SLC45A4: variants seen among roughly 807,000 people sequenced by gnomAD.
SLC45A4 encodes polyamine-transporter SLC45A4.
SLC45A4 carries 32 observed loss-of-function variants against 63.7 expected under a neutral mutation model. The observed-to-expected ratio is 0.50, with a 90% confidence interval of 0.38 to 0.67. SLC45A4 has a LOEUF of 0.67. SLC45A4 is among the 30% of genes least tolerant of loss of function. The probability of loss-of-function intolerance (pLI) is 0.00; values close to 1 mark genes in which losing one functional copy is unlikely to be tolerated. For missense variants in SLC45A4, 1,027 were observed against 1,157.7 expected (o/e 0.89, Z 1.64); for synonymous variants, 535 against 510.0 (o/e 1.05, Z -0.66).
chr8:141,228,283 G>A, intron 2 of SLC45A4: 1 of 1,612,050 alleles, frequency 6.2e-7, no homozygotes, highest in Non-Finnish European at 8.5e-7. Flanking sequence ...TGCTGTCCCT[G>A]CCGCCCTGTG....
chr8:141,212,000 T>C, intron 8 of SLC45A4, 197 bp downstream of exon 8: 3 of 1,309,092 alleles, frequency 2.3e-6, no homozygotes, highest in Non-Finnish European at 2.9e-6. Context: ...TGGTATTTGC[T>C]TAGTAGCTCA....
intron 2 of SLC45A4, among the ~76,000 whole-genome samples, chr8:141,252,896 T>A (rs955347663): frequency 4.6e-5 from 7 of 151,440 alleles, no homozygotes; most frequent in Non-Finnish European, 5.9e-5. Context: ...CACCTGTGTG[T>A]CTGTGAATTT....
Position 141,211,596 on chromosome 8 carries a change from GA to G in SLC45A4, c.2402del (p.Phe801SerfsTer52). ...FLYDYFRKKI[F>X]FSTMWFS ...TCTAAGAGAACCACATTGTGGAAAA[GA>G]AAATTTTTTTTCTAAAATAATCATA... On this transcript the variant is annotated frameshift_variant, in exon 9 of 9. Coordinates refer to ENST00000517878, the MANE Select transcript of SLC45A4 (RefSeq NM_001286646.2). LOFTEE classifies it high-confidence loss of function. The G allele has an allele frequency of 6.2e-7, 1 of 1,612,436 alleles. No individual in the cohort carries two copies. The highest frequency in any genetic ancestry group is 8.5e-7 in the Non-Finnish European group (1 of 1,179,808).
chr8:141,215,437 C>T lies in SLC45A4; in HGVS notation c.1941+322G>A, dbSNP rs145430418. Among the ~76,000 whole-genome samples, 27 of 152,202 alleles carry T rather than the reference C, an allele frequency of 1.8e-4. No individual in the cohort carries two copies. The highest frequency in any genetic ancestry group is 4.6e-4 in the Admixed American group (7 of 15,294). ...TTTCCTCCCATCCAAGTGGAAAACA[C>T]GGGGCTGGAGCTTCCCCCTCAGGGA... is the stretch of plus-strand genomic sequence containing the variant. On this transcript the variant is annotated intron_variant, in intron 7 of 8. Transcript: ENST00000517878. This position sits in a 1 kb window ranked among gnomAD's most constrained non-coding sequence, Gnocchi z 4.3.
rs560476150 is a variant in SLC45A4, at chr8:141,268,686, T to A, written c.-400-14057A>T. Among the ~76,000 whole-genome samples, 24 of 152,324 alleles carry A rather than the reference T, an allele frequency of 1.6e-4. No individual in the cohort carries two copies. The East Asian group carries it at 4.6e-3, about 29-fold the overall frequency. The stretch of plus-strand genomic sequence containing the variant: ...TAAGGCAATCAAAAACTCCTGATAA[T>A]CCCTGGTTGTCCAGTGTTAGGAAGA... On this transcript the variant is annotated intron_variant, in intron 1 of 8. Coordinates refer to ENST00000517878, the MANE Select transcript of SLC45A4 (RefSeq NM_001286646.2).
At chr8:141,219,420 C>T (rs1347888794) in intron 4 of SLC45A4, among the ~76,000 whole-genome samples, 1 of 152,158 alleles carries the variant, frequency 6.6e-6, no homozygotes, top group Non-Finnish European at 1.5e-5. Context: ...TCACCCTCTG[C>T]AGGCCTGGCC....
At chr8:141,219,170 A>T in intron 4 of SLC45A4, 141 bp from the exon 5 acceptor site, 1 of 987,166 alleles carries the variant, frequency 1.0e-6, no homozygotes, top group Non-Finnish European at 1.5e-6. Context: ...AGAAAGCAGT[A>T]GGAAAACAAA....
chr8:141,247,858 C>T (rs1307211213), intron 2 of SLC45A4, among the ~76,000 whole-genome samples: 2 of 152,152 alleles, frequency 1.3e-5, no homozygotes, highest in Non-Finnish European at 2.9e-5. Flanking sequence ...ATATAGGTAG[C>T]CAGTAAATGC....
At chr8:141,293,583 G>A (rs748928977) in intron 1 of SLC45A4, among the ~76,000 whole-genome samples, 2 of 152,242 alleles carry the variant, frequency 1.3e-5, no homozygotes, top group Non-Finnish European at 2.9e-5. Context: ...GTTGGGACAA[G>A]GGGGAAGGCA....
At chr8:141,268,244 C>T (rs745415102) in intron 1 of SLC45A4, among the ~76,000 whole-genome samples, 9 of 152,172 alleles carry the variant, frequency 5.9e-5, no homozygotes, top group Non-Finnish European at 7.3e-5. Context: ...TCCAACTAGA[C>T]GACTTTCTGG....
At chr8:141,281,996 G>A (rs60865809) in intron 1 of SLC45A4, among the ~76,000 whole-genome samples, 3,715 of 152,260 alleles carry the variant, frequency 0.024, 65 homozygotes, top group Middle Eastern at 0.071. Flanking sequence ...ACGCCAGGAC[G>A]CATGGTTGGC....
intron 2 of SLC45A4, chr8:141,228,169 G>A: frequency 6.2e-7 from 1 of 1,613,960 alleles, no homozygotes. Context: ...TTGAAATTGA[G>A]CATTCTAACC....
chr8:141,263,430 A>C (rs866761655), intron 1 of SLC45A4, among the ~76,000 whole-genome samples: 2,954 of 151,808 alleles, frequency 0.019, 97 homozygotes, highest in African/African-American at 0.068. Flanking sequence ...GTGAAAAAAT[A>C]AATAAATAAA....
Position 141,212,565 on chromosome 8 carries a change from G to C in SLC45A4, c.1942-9C>G. On this transcript the variant is annotated splice_polypyrimidine_tract_variant and intron_variant, in intron 7 of 8. Coordinates refer to ENST00000517878, the MANE Select transcript of SLC45A4 (RefSeq NM_001286646.2). ...GGGCTGTGGTGGATGTACTGCAAGA[G>C]AGGAAACACGAGGCGGTGAGCGGCT... 1 of 1,586,754 alleles carries C rather than the reference G, an allele frequency of 6.3e-7. No homozygotes were observed. The highest frequency in any genetic ancestry group is 1.1e-5 in the South Asian group (1 of 89,472).
At chr8:141,220,715 C>A (rs77717612) in intron 3 of SLC45A4, among the ~76,000 whole-genome samples, 1 of 152,216 alleles carries the variant, frequency 6.6e-6, no homozygotes, top group Non-Finnish European at 1.5e-5. Context: ...CACGGGCAGG[C>A]GACGGCTCCG....
chr8:141,252,360 T>A (rs1255461285), intron 2 of SLC45A4: 1 of 163,988 alleles, frequency 6.1e-6, no homozygotes, highest in African/African-American at 2.4e-5. Flanking sequence ...AACCTGTGCG[T>A]CTCTGTTAAT....
chr8:141,211,211 C>T lies in SLC45A4; in HGVS notation c.*361G>A, dbSNP rs577622469. On this transcript the variant is annotated 3_prime_UTR_variant, in exon 9 of 9. Transcript: ENST00000517878. ...GAATCCCCAGCAAATGGTTTAGAGA[C>T]GAATCAAAGTGCAGTGAAAGTCAAC... 10 of 425,776 alleles carry T rather than the reference C, an allele frequency of 2.3e-5. No homozygotes were observed. The South Asian group carries it at 2.5e-4, about 11-fold the overall frequency. The allele number at this position is 425,776 out of a possible 1,614,324, so 26.4% of individuals were successfully genotyped here. A position where few individuals can be genotyped will look rare whatever the true frequency, so the allele number is the denominator to read the frequency against.
intron 1 of SLC45A4, among the ~76,000 whole-genome samples, chr8:141,274,527 T>C (rs567162663): frequency 1.7e-5 from 2 of 119,428 alleles, no homozygotes; most frequent in South Asian, 2.7e-4. Flanking sequence ...AGAGAGAAAC[T>C]CGGTCTCAAA....
At chr8:141,239,287 T>C (rs1322867380) in intron 2 of SLC45A4, among the ~76,000 whole-genome samples, 1 of 152,220 alleles carries the variant, frequency 6.6e-6, no homozygotes, top group East Asian at 1.9e-4. Flanking sequence ...CAGACATCCC[T>C]GGGTCAGTGG....
Sources: allele counts gnomAD v4.1 joint callset (sites outside exome capture counted in the v4.1 genomes callset), GRCh38; gene constraint gnomAD v4.1.1; non-coding constraint Gnocchi (gnomAD v3.1); transcripts MANE v1.5; gene names NCBI Gene and HGNC (gene_info 2026-07-23, HGNC 2026-07-21).